Variants in STK31 observed in about 807,000 individuals in gnomAD.
STK31 encodes the protein serine/threonine-protein kinase 31.
Under a neutral mutation model 129.7 loss-of-function variants are expected in STK31, and 89 were observed. The ratio of observed to expected loss-of-function variants is 0.69; its 90% CI spans 0.58 to 0.82. STK31 has a LOEUF of 0.82. Among genes scored for constraint, STK31 ranks in the 40% least tolerant of loss-of-function variants. STK31 has a pLI of 0.00. For synonymous variants in STK31, 448 were observed against 395.3 expected, an observed-to-expected ratio of 1.13 and a Z score of -1.58; for missense variants, 1,187 against 1,176.4, an observed-to-expected ratio of 1.01 and a Z score of -0.13.
intron 10 of STK31, among the ~76,000 whole-genome samples, chr7:23,760,074 C>T (rs1033836366): frequency 1.1e-4 from 16 of 152,150 alleles, no homozygotes; most frequent in African/African-American, 3.9e-4. Context: ...AAATATTTTA[C>T]ATAAATTCTT....
intron 1 of STK31, 65 bp downstream of exon 1, chr7:23,710,400 T>TG: frequency 1.2e-6 from 2 of 1,610,842 alleles, no homozygotes; most frequent in Non-Finnish European, 1.7e-6. Flanking sequence ...CGTCGCTGCT[T>TG]GCGTTTTAAG....
At chr7:23,806,242 T>A (rs1184385158) in intron 22 of STK31, among the ~76,000 whole-genome samples, 5 of 152,244 alleles carry the variant, frequency 3.3e-5, no homozygotes, top group African/African-American at 7.2e-5. Context: ...GCTGTTTTTT[T>A]AAGAAGTTCT....
chr7:23,727,842 G>T (rs1424476386), intron 5 of STK31, among the ~76,000 whole-genome samples: 1 of 151,920 alleles, frequency 6.6e-6, no homozygotes, highest in Non-Finnish European at 1.5e-5. Flanking sequence ...TTACAGGAGT[G>T]AGCCACTGTG....
intron 15 of STK31, among the ~76,000 whole-genome samples, chr7:23,780,201 G>A (rs896406591): frequency 6.6e-6 from 1 of 152,054 alleles, no homozygotes; most frequent in African/African-American, 2.4e-5. Context: ...GATAAGCCGG[G>A]TACCTCAGTT....
intron 23 of STK31, among the ~76,000 whole-genome samples, chr7:23,821,529 T>A (rs561716608): frequency 3.1e-4 from 47 of 152,190 alleles, no homozygotes; most frequent in African/African-American, 1.1e-3. Flanking sequence ...CTGTCGAGTT[T>A]CTTGTATATT....
chr7:23,727,386 AT>A, intron 5 of STK31, 71 bp downstream of exon 5: 1 of 1,370,078 alleles, frequency 7.3e-7, no homozygotes. Context: ...TTTGATGCTT[AT>A]TTAGCCCTTC....
chr7:23,811,341 T>C (rs1584486253), intron 22 of STK31: 2 of 404,592 alleles, frequency 4.9e-6, no homozygotes, highest in East Asian at 1.4e-4. Flanking sequence ...CTTTCTGGTC[T>C]TCATTCTTCA....
chr7:23,782,341 A>G (rs1441078070), intron 16 of STK31, among the ~76,000 whole-genome samples: 3 of 89,156 alleles, frequency 3.4e-5, no homozygotes, highest in Admixed American at 1.0e-4. Context: ...TCATGGTGTC[A>G]TGTACCTGTA....
intron 17 of STK31, 141 bp from the exon 18 acceptor site, chr7:23,785,337 T>C: frequency 8.3e-7 from 1 of 1,198,656 alleles, no homozygotes. Flanking sequence ...GTACACAGTT[T>C]TAAAGATTTT....
chr7:23,810,075 G>A (rs1792990596), intron 22 of STK31, among the ~76,000 whole-genome samples: 2 of 152,042 alleles, frequency 1.3e-5, no homozygotes, highest in African/African-American at 4.8e-5. Flanking sequence ...GTGGTTTAAG[G>A]TCATCTTGTA....
At chr7:23,784,537 TCTA>T (rs1791143463) in intron 17 of STK31, among the ~76,000 whole-genome samples, 1 of 152,204 alleles carries the variant, frequency 6.6e-6, no homozygotes, top group Non-Finnish European at 1.5e-5. Context: ...AATATGCTAA[TCTA>T]CTTTATTATG....
chr7:23,727,223 T>C lies in STK31; in HGVS notation c.250-18T>C. The C allele has an allele frequency of 6.2e-7, 1 of 1,612,086 alleles. No individual in the cohort carries two copies. Among genetic ancestry groups the C allele is most frequent in the East Asian group, 2.2e-5 (1 of 44,734 alleles). On this transcript the variant is annotated intron_variant, in intron 4 of 23. Coordinates refer to ENST00000355870, the MANE Select transcript of STK31 (RefSeq NM_031414.5). ...TGCTTTAAATGCCAAGTAATTTTGC[T>C]TTCTTTTCTCTTTGTAGATTTATGG...
chr7:23,733,977 A>G (rs1004008944), intron 6 of STK31, among the ~76,000 whole-genome samples: 11 of 152,172 alleles, frequency 7.2e-5, no homozygotes, highest in Admixed American at 6.5e-4. Context: ...ATCGGTCTCA[A>G]TTTTACCCTC....
chr7:23,777,981 TC>T (rs1180511428), intron 15 of STK31, among the ~76,000 whole-genome samples: 2 of 152,204 alleles, frequency 1.3e-5, no homozygotes, highest in African/African-American at 4.8e-5. Context: ...AACCAGTTGT[TC>T]CTTTCCATAT....
rs1046157057 is a variant in STK31 at position 23,788,033 on chromosome 7, G to C, written c.2541G>C (p.Lys847Asn). Residue 847 changes from lysine (K) to asparagine (N), a missense_variant, in exon 21 of 24, where the codon AAG (lysine) becomes AAC (asparagine). Physicochemically the swap from Lys to Asn is moderately conservative, Grantham distance 94. Transcript: ENST00000355870. ...GVAQGLHTLH[K>N]ADIIHGSLHQ... ...CCCAGGGTCTGCATACATTGCATAA[G>C]GCTGACATAATTCATGGATCACTTC... 6.2e-6 allele frequency: 10 copies of C among 1,611,370 alleles called. No individual in the cohort carries two copies. The African/African-American group carries it at 1.2e-4, about 19-fold the overall frequency.
At chr7:23,790,316 G>T (rs943917892) in intron 21 of STK31, among the ~76,000 whole-genome samples, 3 of 152,004 alleles carry the variant, frequency 2.0e-5, no homozygotes, top group African/African-American at 7.2e-5. Context: ...TAAAGCCCTC[G>T]GTCCCACAGC....
intron 10 of STK31, among the ~76,000 whole-genome samples, chr7:23,760,233 G>C (rs1403907419): frequency 2.1e-4 from 32 of 152,120 alleles, no homozygotes. Flanking sequence ...TATACTTGTT[G>C]TGTTTGGACT....
chr7:23,806,860 A>G (rs1005607255), intron 22 of STK31, among the ~76,000 whole-genome samples: 16 of 148,028 alleles, frequency 1.1e-4, no homozygotes, highest in African/African-American at 3.7e-4. Flanking sequence ...AGATCACGCC[A>G]CTGCACTCCA....
At chr7:23,772,474 T>C (rs958348339) in intron 15 of STK31, among the ~76,000 whole-genome samples, 196 bp downstream of exon 15, 32 of 152,176 alleles carry the variant, frequency 2.1e-4, no homozygotes, top group Admixed American at 1.4e-3. Context: ...AAAATTTTCC[T>C]ATATCATTAA....
Sources: allele counts gnomAD v4.1 joint callset (sites outside exome capture counted in the v4.1 genomes callset), GRCh38; gene constraint gnomAD v4.1.1; transcripts MANE v1.5; gene names NCBI Gene and HGNC (gene_info 2026-07-23, HGNC 2026-07-21).